CSMD3: variants seen among roughly 807,000 people sequenced by gnomAD.
The protein encoded by CSMD3 is CUB and Sushi multiple domains 3, also known as CUB and sushi domain-containing protein 3.
CSMD3 carries 177 observed loss-of-function variants against 435.2 expected under a neutral mutation model. The ratio of observed to expected loss-of-function variants is 0.41; its 90% CI spans 0.36 to 0.46. The LOEUF (loss-of-function observed/expected upper bound fraction) is 0.46, where lower values mean the gene tolerates loss of function less well. CSMD3 is among the 20% of genes least tolerant of loss of function. The pLI is 0.34. For synonymous variants in CSMD3, 1,656 were observed against 1,520.5 expected, an observed-to-expected ratio of 1.09 and a Z score of -2.07; for missense variants, 4,265 against 4,504.6, an observed-to-expected ratio of 0.95 and a Z score of 1.52.
At chr8:113,270,493 G>C (rs1233319884) in intron 3 of CSMD3, among the ~76,000 whole-genome samples, 1 of 152,070 alleles carries the variant, frequency 6.6e-6, no homozygotes, top group African/African-American at 2.4e-5. Flanking sequence ...CCAAAGGATT[G>C]TAAGTCATGC....
chr8:112,938,373 C>T (rs193158297), intron 9 of CSMD3, among the ~76,000 whole-genome samples: 111 of 152,316 alleles, frequency 7.3e-4, no homozygotes, highest in Non-Finnish European at 1.4e-3. Flanking sequence ...ATTCTTTCTT[C>T]TCAAATAAAA....
At chr8:112,919,213 G>T (rs968781916) in intron 10 of CSMD3, among the ~76,000 whole-genome samples, 9 of 151,664 alleles carry the variant, frequency 5.9e-5, no homozygotes, top group African/African-American at 2.2e-4. Context: ...TATAATAATT[G>T]TTGAATATGA....
At chr8:112,270,411 T>C (rs1294397529) in intron 59 of CSMD3, among the ~76,000 whole-genome samples, 1 of 140,696 alleles carries the variant, frequency 7.1e-6, no homozygotes, top group African/African-American at 2.7e-5. Context: ...TGCTGGACAA[T>C]AGAGCAAATG....
chr8:113,400,829 G>A (rs2094506640), intron 1 of CSMD3, among the ~76,000 whole-genome samples: 1 of 151,802 alleles, frequency 6.6e-6, no homozygotes, highest in African/African-American at 2.4e-5. Context: ...CAATTACTTT[G>A]TATATCCTGA....
chr8:112,496,065 G>T lies in CSMD3; in HGVS notation c.5084-3382C>A, dbSNP rs1052508909. ...GCTCACTGCAAGCTCCGCCTCTCCG[G>T]TTCACACCGTTCTCCTGCCTCAGCC... On this transcript the variant is annotated intron_variant, in intron 30 of 70. Transcript: ENST00000297405. 2.0e-5 allele frequency among the ~76,000 whole-genome samples: 3 copies of T among 152,012 alleles called. No individual in the cohort carries two copies. The East Asian group carries it at 5.8e-4, about 29-fold the overall frequency.
At chr8:113,176,903 A>T in intron 3 of CSMD3, among the ~76,000 whole-genome samples, 1 of 151,988 alleles carries the variant, frequency 6.6e-6, no homozygotes, top group Non-Finnish European at 1.5e-5. Flanking sequence ...ACTTAAAAAA[A>T]AAAATAAAGT....
intron 1 of CSMD3, among the ~76,000 whole-genome samples, chr8:113,383,831 A>T (rs993218206): frequency 6.6e-6 from 1 of 151,834 alleles, no homozygotes; most frequent in African/African-American, 2.4e-5. Flanking sequence ...TTTTATTCCA[A>T]CTCTGGTTTC....
intron 10 of CSMD3, among the ~76,000 whole-genome samples, chr8:112,873,377 A>C (rs528133025): frequency 6.6e-6 from 1 of 152,182 alleles, no homozygotes; most frequent in East Asian, 1.9e-4. Flanking sequence ...GTAATTTCAT[A>C]ATGCACTTCC....
At chr8:113,122,779 C>G (rs528429469) in intron 4 of CSMD3, among the ~76,000 whole-genome samples, 1 of 152,142 alleles carries the variant, frequency 6.6e-6, no homozygotes, top group East Asian at 1.9e-4. Context: ...AGGCCTATGA[C>G]CTACAAAATT....
chr8:113,183,316 A>T (rs1356853895), intron 3 of CSMD3, among the ~76,000 whole-genome samples: 1 of 151,928 alleles, frequency 6.6e-6, no homozygotes, highest in African/African-American at 2.4e-5. Flanking sequence ...TTTGCAGATG[A>T]CTCATATAAT....
chr8:112,890,876 G>A (rs756574228), intron 10 of CSMD3, among the ~76,000 whole-genome samples: 1 of 151,564 alleles, frequency 6.6e-6, no homozygotes, highest in Non-Finnish European at 1.5e-5. Context: ...TTAATGTTTT[G>A]TTCTTCAGAA....
intron 4 of CSMD3, among the ~76,000 whole-genome samples, chr8:113,131,698 A>G (rs2091287800): frequency 6.6e-6 from 1 of 152,096 alleles, no homozygotes; most frequent in African/African-American, 2.4e-5. Context: ...TGCCTAGTGG[A>G]GCTGTGAGAA....
chr8:113,038,938 AACATG>A (rs1485662835), intron 5 of CSMD3, among the ~76,000 whole-genome samples: 1 of 152,202 alleles, frequency 6.6e-6, no homozygotes, highest in African/African-American at 2.4e-5. Context: ...AATAACTATT[AACATG>A]ACAAATGGGG....
chr8:113,411,606 G>C (rs79313459), intron 1 of CSMD3, among the ~76,000 whole-genome samples: 2 of 152,056 alleles, frequency 1.3e-5, no homozygotes, highest in African/African-American at 4.8e-5. Context: ...CTCAAAATGA[G>C]GACCCAATCC....
chr8:112,997,585 G>A (rs2085701096), intron 6 of CSMD3, among the ~76,000 whole-genome samples: 1 of 151,432 alleles, frequency 6.6e-6, no homozygotes, highest in African/African-American at 2.4e-5. Context: ...AGAATTTGAT[G>A]GTCAAGGAGA....
At chr8:112,882,743 C>T (rs989847968) in intron 10 of CSMD3, among the ~76,000 whole-genome samples, 1 of 152,016 alleles carries the variant, frequency 6.6e-6, no homozygotes, top group Non-Finnish European at 1.5e-5. Flanking sequence ...TATGTAGACA[C>T]TGGATGGCAA....
chr8:112,666,472 T>C, intron 16 of CSMD3, 57 bp from the exon 17 acceptor site: 5 of 1,469,632 alleles, frequency 3.4e-6, no homozygotes, highest in Non-Finnish European at 4.7e-6. Context: ...TCGCAGATAT[T>C]ATTCTTAATA....
chr8:112,834,497 A>G (rs1039032879), intron 11 of CSMD3, among the ~76,000 whole-genome samples: 2 of 151,834 alleles, frequency 1.3e-5, no homozygotes, highest in Non-Finnish European at 2.9e-5. Context: ...TATGGTTAAA[A>G]GAAAAATATC....
rs754141830 is a variant in CSMD3 at position 112,469,439 on chromosome 8, A to G, written c.5395+3152T>C. Among the ~76,000 whole-genome samples, 3 of 152,262 alleles carry G rather than the reference A, an allele frequency of 2.0e-5. No individual in the cohort carries two copies. The South Asian group carries it at 6.2e-4, about 32-fold the overall frequency. On this transcript the variant is annotated intron_variant, in intron 32 of 70. Transcript: ENST00000297405. Reference sequence around the variant, plus strand: ...TAACCCCTATGTAAAATGCAATCCAATGAATGCACTGAGTGTATTTGACAG... The same window carrying G: ...TAACCCCTATGTAAAATGCAATCCAGTGAATGCACTGAGTGTATTTGACAG...
Sources: gnomAD v4.1 joint callset for allele counts (sites outside exome capture counted in the v4.1 genomes callset) on GRCh38, gnomAD v4.1.1 for gene constraint, MANE v1.5 for transcripts, NCBI Gene and HGNC (gene_info 2026-07-23, HGNC 2026-07-21) for gene names.